The following SP140 variants were observed in gnomAD, a reference collection of about 807,000 sequenced individuals.
SP140 encodes the protein SP140 nuclear body protein.
SP140 carries 81 observed loss-of-function variants against 125.0 expected under a neutral mutation model. That is an observed-to-expected ratio of 0.65 (90% CI 0.54 to 0.78). The LOEUF (loss-of-function observed/expected upper bound fraction) is 0.78, where lower values mean the gene tolerates loss of function less well. SP140 is among the 30% of genes least tolerant of loss of function. The pLI is 0.00. For synonymous variants in SP140, 312 were observed against 354.0 expected (o/e 0.88, Z 1.33); for missense variants, 858 against 1,037.0 (o/e 0.83, Z 2.37).
the SP140 span, among the ~76,000 whole-genome samples, chr2:230,197,735 G>A: frequency 1.3e-5 from 2 of 152,048 alleles, no homozygotes; most frequent in Admixed American, 1.3e-4. Flanking sequence ...GTGTAAGGAA[G>A]GGATCCAGTT....
chr2:230,222,840 G>GTTTTT (rs35018428), upstream of SP140, among the ~76,000 whole-genome samples: 1 of 128,940 alleles, frequency 7.8e-6, no homozygotes, highest in Non-Finnish European at 1.6e-5. Flanking sequence ...GTGTATTAAA[G>GTTTTT]TTTTTTTTTT....
intron 22 of SP140, among the ~76,000 whole-genome samples, chr2:230,309,543 C>T (rs1030479594): frequency 3.3e-5 from 5 of 152,188 alleles, no homozygotes; most frequent in African/African-American, 1.2e-4. Context: ...AGCTAGGTCT[C>T]CTTTTCACTA....
rs922432878 is a variant in SP140, at chr2:230,237,512, A to G, written c.237+252A>G. Reference sequence around the variant, plus strand: ...ATGCTGTATGGGTGCAGATCATCCTAGGTACTTGTAAACAATCTACTAATG... The same window carrying G: ...ATGCTGTATGGGTGCAGATCATCCTGGGTACTTGTAAACAATCTACTAATG... On this transcript the variant is annotated intron_variant, in intron 2 of 26. Coordinates refer to ENST00000392045, the MANE Select transcript of SP140 (RefSeq NM_007237.5). This position sits in a 1 kb window ranked among gnomAD's most constrained non-coding sequence, Gnocchi z 5.4. The G allele has an allele frequency of 2.2e-5, 8 of 369,020 alleles. No homozygotes were observed. In the Admixed American group the frequency reaches 3.3e-4, roughly 15 times the overall value. 22.9% of individuals were successfully genotyped at this position (369,020 alleles called of 1,614,324 possible). A position where few individuals can be genotyped will look rare whatever the true frequency, so the allele number is the denominator to read the frequency against.
chr2:230,280,287 G>C lies in SP140; in HGVS notation c.1499-4059G>C, dbSNP rs144320307. On this transcript the variant is annotated intron_variant, in intron 15 of 26. Coordinates refer to ENST00000392045, the MANE Select transcript of SP140 (RefSeq NM_007237.5). ...CTGCTTTATCCCTGTTAATGCTTTTGCCGTAAAATCTCTTTTGCCAAGTAC... is the reference window on the plus strand; with the variant it reads ...CTGCTTTATCCCTGTTAATGCTTTTCCCGTAAAATCTCTTTTGCCAAGTAC... Among the ~76,000 whole-genome samples the C allele has an allele frequency of 3.9e-5, 6 of 151,972 alleles. No individual in the cohort carries two copies. In the East Asian group the frequency reaches 9.6e-4, roughly 24 times the overall value.
intron 1 of SP140, among the ~76,000 whole-genome samples, chr2:230,206,594 T>TA (rs2043839159): frequency 1.1e-4 from 11 of 101,620 alleles, no homozygotes; most frequent in South Asian, 6.7e-4. Context: ...TGGTCCAGAT[T>TA]TTATATATAT....
chr2:230,274,882 A>AT (rs1170042775), intron 15 of SP140, among the ~76,000 whole-genome samples: 1 of 152,122 alleles, frequency 6.6e-6, no homozygotes, highest in Non-Finnish European at 1.5e-5. Context: ...AAATGAATAC[A>AT]TTTAAACTGT....
the SP140 span, among the ~76,000 whole-genome samples, chr2:230,196,985 T>C: frequency 6.6e-6 from 1 of 152,190 alleles, no homozygotes; most frequent in African/African-American, 2.4e-5. Context: ...CTATTGTGAA[T>C]AGTGCCACAA....
chr2:230,312,152 G>A (rs1031853122), intron 26 of SP140, among the ~76,000 whole-genome samples: 1 of 152,186 alleles, frequency 6.6e-6, no homozygotes. Flanking sequence ...TCCCAGCTGT[G>A]GAAATGATTT....
intron 3 of SP140, among the ~76,000 whole-genome samples, chr2:230,218,683 AC>A (rs1310089235): frequency 1.3e-5 from 2 of 152,328 alleles, no homozygotes; most frequent in African/African-American, 4.8e-5. Flanking sequence ...TTAGTAACTC[AC>A]CCAAGGTATT....
upstream of SP140, among the ~76,000 whole-genome samples, chr2:230,224,603 T>A (rs2046113181): frequency 6.6e-6 from 1 of 152,160 alleles, no homozygotes; most frequent in Non-Finnish European, 1.5e-5. Context: ...CAGATTGGTG[T>A]TTGTTCCTTT....
Position 230,312,637 on chromosome 2 carries a change from A to G in SP140, c.2557A>G (p.Asn853Asp), listed in dbSNP as rs375724657. 51 of 1,613,074 alleles carry G rather than the reference A, an allele frequency of 3.2e-5. No individual in the cohort carries two copies. The highest frequency in any genetic ancestry group is 8.0e-5 in the African/African-American group (6 of 74,906). The change falls in exon 27 of 27, where the codon AAT becomes GAT. Residue 853 changes from asparagine to aspartate, a missense_variant. Physicochemically the swap from Asn to Asp is conservative, Grantham distance 23. Coordinates refer to ENST00000392045, the MANE Select transcript of SP140 (RefSeq NM_007237.5). Reference protein sequence around the residue: ...GFRLEAEFEKNFKEVFAIQET... With the variant: ...GFRLEAEFEKDFKEVFAIQET... Reference sequence around the variant, plus strand: ...TAGACTGGAGGCTGAGTTTGAGAAGAATTTCAAGGAAGTGTTTGCTATTCA... The same window carrying G: ...TAGACTGGAGGCTGAGTTTGAGAAGGATTTCAAGGAAGTGTTTGCTATTCA...
intron 22 of SP140, among the ~76,000 whole-genome samples, chr2:230,307,807 C>A (rs2058906839): frequency 6.6e-6 from 1 of 151,914 alleles, no homozygotes; most frequent in Non-Finnish European, 1.5e-5. Context: ...GGAAGGAGCC[C>A]AGTGGGCCTG....
chr2:230,308,058 A>G (rs900603292), intron 22 of SP140, among the ~76,000 whole-genome samples: 6 of 149,402 alleles, frequency 4.0e-5, no homozygotes, highest in Non-Finnish European at 8.9e-5. Context: ...CTACTCAGGT[A>G]TAAAAAGGAA....
At chr2:230,310,337 G>A in intron 23 of SP140, 1 of 491,366 alleles carries the variant, frequency 2.0e-6, no homozygotes, top group Non-Finnish European at 3.7e-6. Context: ...TTGGAGACAA[G>A]AAACACCAGT....
intron 7 of SP140, among the ~76,000 whole-genome samples, chr2:230,246,751 A>G (rs894571624): frequency 3.9e-5 from 6 of 152,216 alleles, no homozygotes; most frequent in African/African-American, 1.4e-4. Context: ...ACCATGGAAG[A>G]AAGGAGATAA....
rs11323886 is a variant in SP140, at chr2:230,226,762, C to CAAAAAAAAAA, written c.59+869_59+878dup. On this transcript the variant is annotated intron_variant, in intron 1 of 26. Transcript: ENST00000392045. ...GGGCAACAAGAGTGAAATTCCATCT[C>CAAAAAAAAAA]AAAAAAAAAAAAAAAAAAAGACAAG... Among the ~76,000 whole-genome samples, 86 of 94,230 alleles carry CAAAAAAAAAA rather than the reference C, an allele frequency of 9.1e-4. 2 individuals carry two copies. The highest frequency in any genetic ancestry group is 1.3e-3 in the Non-Finnish European group (62 of 46,996). The allele number at this position is 94,230 out of a possible 152,430, so 61.8% of individuals were successfully genotyped here.
chr2:230,276,134 G>A (rs961238147), intron 15 of SP140, among the ~76,000 whole-genome samples: 1 of 152,184 alleles, frequency 6.6e-6, no homozygotes, highest in Non-Finnish European at 1.5e-5. Flanking sequence ...GATGAAGATG[G>A]CTACACTAAA....
Position 230,287,990 on chromosome 2 carries a change from C to T in SP140, c.1720+24C>T, listed in dbSNP as rs773958298. 9.5e-6 allele frequency: 15 copies of T among 1,571,858 alleles called. 1 individual carries two copies. The highest frequency in any genetic ancestry group is 1.7e-4 in the Middle Eastern group (1 of 5,982). On this transcript the variant is annotated intron_variant, in intron 18 of 26. Transcript: ENST00000392045. ...AGGTAAAAAAGAAAACAGGAATGAA[C>T]TTTCAATAACTAAACATCTAATTTC...
Position 230,295,320 on chromosome 2 carries a change from C to T in SP140, c.2016+1002C>T, listed in dbSNP as rs143874862. 4.4e-3 allele frequency among the ~76,000 whole-genome samples: 664 copies of T among 152,360 alleles called. 1 individual carries two copies. Among genetic ancestry groups the T allele is most frequent in the Non-Finnish European group, 7.3e-3 (497 of 68,028 alleles). ...CCTGAGATGCAGGCCTTTACATTATCTGATATACTGGCTGATTTGAATTTT... is the reference window on the plus strand; with the variant it reads ...CCTGAGATGCAGGCCTTTACATTATTTGATATACTGGCTGATTTGAATTTT... On this transcript the variant is annotated intron_variant, in intron 21 of 26. Coordinates refer to ENST00000392045, the MANE Select transcript of SP140 (RefSeq NM_007237.5).
Sources: gnomAD v4.1 joint callset for allele counts (sites outside exome capture counted in the v4.1 genomes callset) on GRCh38, gnomAD v4.1.1 for gene constraint, Gnocchi (gnomAD v3.1) non-coding constraint, MANE v1.5 for transcripts, NCBI Gene and HGNC (gene_info 2026-07-23, HGNC 2026-07-21) for gene names.